The following KCNMA1 variants were observed in gnomAD, a reference collection of about 807,000 sequenced individuals.
KCNMA1 encodes potassium calcium-activated channel subfamily M alpha 1.
Under a neutral mutation model 140.0 loss-of-function variants are expected in KCNMA1, and 29 were observed. The ratio of observed to expected loss-of-function variants is 0.21; its 90% CI spans 0.15 to 0.28. KCNMA1 has a LOEUF of 0.28. Among genes scored for constraint, KCNMA1 ranks in the 10% least tolerant of loss-of-function variants. The pLI, the probability that KCNMA1 is intolerant of heterozygous loss-of-function variation, is 1.00. For missense variants in KCNMA1, 880 were observed against 1,602.2 expected (o/e 0.55, Z 7.70); for synonymous variants, 612 against 611.9 (o/e 1.00, Z 0.00).
At chr10:77,407,882 C>T (rs558799907) in intron 1 of KCNMA1, among the ~76,000 whole-genome samples, 2 of 152,296 alleles carry the variant, frequency 1.3e-5, no homozygotes, top group Admixed American at 1.3e-4. Flanking sequence ...CCCTGGGAGG[C>T]ACACTGGCCA....
At chr10:77,493,084 T>C (rs935477752) in intron 1 of KCNMA1, among the ~76,000 whole-genome samples, 1 of 152,232 alleles carries the variant, frequency 6.6e-6, no homozygotes, top group Non-Finnish European at 1.5e-5. Context: ...AAACTGATCA[T>C]GTCTTCAGAT....
Position 77,183,511 on chromosome 10 carries a change from A to G in KCNMA1, c.718T>C (p.Leu240=), listed in dbSNP as rs762086512. ...GLRFIAANDK[L]WFWLEVNSVV... ...GAGTTCACTTCCAGCCAGAACCACA[A>G]TTTATCGTTGGCTGCAATAAACTGG... is the stretch of plus-strand genomic sequence containing the variant. The change falls in exon 5 of 28, where the codon TTG becomes CTG. Residue 240 remains leucine, a synonymous_variant. Coordinates refer to ENST00000286628, the MANE Select transcript of KCNMA1 (RefSeq NM_001161352.2). 2.5e-6 allele frequency: 4 copies of G among 1,613,344 alleles called. No individual in the cohort carries two copies. The Admixed American group carries it at 5.0e-5, about 20-fold the overall frequency.
intron 2 of KCNMA1, among the ~76,000 whole-genome samples, chr10:77,382,959 CGTGTGTGTGTGTGTGTGT>C (rs57049025): frequency 2.6e-5 from 2 of 76,986 alleles, no homozygotes; most frequent in African/African-American, 9.4e-5. Context: ...CATATATATA[CGTGTGTGTGTGTGTGTGT>C]GTGTGTGTGT....
intron 2 of KCNMA1, among the ~76,000 whole-genome samples, chr10:77,398,060 A>ATGTGTGTGTGTGTG (rs71028275): frequency 1.3e-5 from 2 of 148,456 alleles, no homozygotes; most frequent in African/African-American, 5.0e-5. Context: ...ATATGTGTGT[A>ATGTGTGTGTGTGTG]TGTGTGTGTG....
intron 1 of KCNMA1, chr10:77,587,108 G>C (rs2077462512): frequency 6.6e-6 from 1 of 152,048 alleles, no homozygotes; most frequent in South Asian, 2.1e-4. Context: ...AGCTAAGCAG[G>C]GTCTGGCCCA....
chr10:77,169,035 A>G (rs1329900180), intron 5 of KCNMA1, among the ~76,000 whole-genome samples: 1 of 152,234 alleles, frequency 6.6e-6, no homozygotes, highest in Non-Finnish European at 1.5e-5. Context: ...TTGATGAGTC[A>G]GGACAGGTAC....
At chr10:77,070,451 G>A (rs1325386089) in intron 14 of KCNMA1, among the ~76,000 whole-genome samples, 1 of 152,196 alleles carries the variant, frequency 6.6e-6, no homozygotes, top group Non-Finnish European at 1.5e-5. Flanking sequence ...GACCGGCCTA[G>A]GGGAAGGGAG....
intron 1 of KCNMA1, among the ~76,000 whole-genome samples, chr10:77,592,009 C>A (rs981348429): frequency 2.6e-5 from 4 of 152,122 alleles, no homozygotes; most frequent in African/African-American, 7.2e-5. Flanking sequence ...CTCATTCGTT[C>A]GCCCAGCAAA....
At chr10:77,016,853 T>C (rs1038176645) in intron 17 of KCNMA1, among the ~76,000 whole-genome samples, 2 of 152,176 alleles carry the variant, frequency 1.3e-5, no homozygotes, top group Non-Finnish European at 2.9e-5. Flanking sequence ...TTAACTTCTT[T>C]TGTTGCTTTT....
chr10:76,909,551 G>C (rs1330423244), intron 25 of KCNMA1, among the ~76,000 whole-genome samples: 1 of 152,058 alleles, frequency 6.6e-6, no homozygotes, highest in African/African-American at 2.4e-5. Context: ...GCCTCACAGG[G>C]TTTCTTTGCC....
chr10:77,276,307 A>C (rs1319465084), intron 2 of KCNMA1, among the ~76,000 whole-genome samples: 2 of 152,198 alleles, frequency 1.3e-5, no homozygotes, highest in Admixed American at 1.3e-4. Context: ...GGGCCTGCTA[A>C]CAGGTAGATG....
intron 2 of KCNMA1, among the ~76,000 whole-genome samples, chr10:77,360,878 G>T (rs569440161): frequency 2.0e-5 from 3 of 152,170 alleles, no homozygotes; most frequent in Non-Finnish European, 4.4e-5. Flanking sequence ...GCACTAGCAC[G>T]GAGGCCTGAG....
intron 1 of KCNMA1, chr10:77,634,368 T>C: frequency 8.1e-6 from 8 of 985,484 alleles, no homozygotes; most frequent in Non-Finnish European, 9.6e-6. Flanking sequence ...TGCCACTCTT[T>C]TCAAAAGACT....
chr10:77,326,215 C>T (rs2084141686), intron 2 of KCNMA1, among the ~76,000 whole-genome samples: 1 of 152,180 alleles, frequency 6.6e-6, no homozygotes. Context: ...CTGTCTTCCT[C>T]ATCTCATCTG....
At chr10:76,899,658 C>T (rs570274519) in intron 25 of KCNMA1, among the ~76,000 whole-genome samples, 1 of 152,252 alleles carries the variant, frequency 6.6e-6, no homozygotes, top group South Asian at 2.1e-4. Flanking sequence ...CTTTACAAGA[C>T]AGTTTGCTGA....
At chr10:77,202,583 T>C (rs61867046) in intron 3 of KCNMA1, among the ~76,000 whole-genome samples, 7,782 of 152,266 alleles carry the variant, frequency 0.051, 238 homozygotes, top group Non-Finnish European at 0.067. Flanking sequence ...AGCCAACAAG[T>C]GATACCTGCT....
At chr10:77,061,864 A>AT (rs1040801099) in intron 14 of KCNMA1, among the ~76,000 whole-genome samples, 93 of 152,352 alleles carry the variant, frequency 6.1e-4, no homozygotes, top group African/African-American at 2.2e-3. Flanking sequence ...ACCTGGATGG[A>AT]TGTCAAGGGA....
chr10:76,988,978 G>A (rs2082027159), intron 19 of KCNMA1, among the ~76,000 whole-genome samples: 1 of 152,170 alleles, frequency 6.6e-6, no homozygotes, highest in Non-Finnish European at 1.5e-5. Context: ...AAAACAAGGT[G>A]TAACAAATAT....
chr10:77,304,750 G>A (rs1032274088), intron 2 of KCNMA1, among the ~76,000 whole-genome samples: 8 of 152,178 alleles, frequency 5.3e-5, no homozygotes, highest in African/African-American at 1.9e-4. Context: ...TTTGCCCAGT[G>A]GGCAGGATTG....
Sources: gnomAD v4.1 joint callset for allele counts (sites outside exome capture counted in the v4.1 genomes callset) on GRCh38, gnomAD v4.1.1 for gene constraint, MANE v1.5 for transcripts, NCBI Gene and HGNC (gene_info 2026-07-23, HGNC 2026-07-21) for gene names.